Variants in SNAP91 observed in about 807,000 individuals in gnomAD.
SNAP91 encodes the protein synaptosome associated protein 91, also known as clathrin coat assembly protein AP180.
Under a neutral mutation model 100.3 loss-of-function variants are expected in SNAP91, and 27 were observed. The ratio of observed to expected loss-of-function variants is 0.27; its 90% confidence interval spans 0.20 to 0.37. The LOEUF is 0.37. SNAP91 is among the 10% of genes least tolerant of loss of function. The pLI is 1.00. For synonymous variants in SNAP91, 404 were observed against 398.6 expected (o/e 1.01, Z -0.16); for missense variants, 986 against 1,123.7 (o/e 0.88, Z 1.75).
At chr6:83,621,820 G>T (rs2096740806) in intron 9 of SNAP91, among the ~76,000 whole-genome samples, 1 of 151,932 alleles carries the variant, frequency 6.6e-6, no homozygotes, top group African/African-American at 2.4e-5. Flanking sequence ...CCATAGATGT[G>T]AAATAAAGAT....
chr6:83,617,645 A>G (rs1233923485), intron 9 of SNAP91, among the ~76,000 whole-genome samples: 6 of 151,074 alleles, frequency 4.0e-5, no homozygotes, highest in East Asian at 1.9e-4. Context: ...AGCAAATATA[A>G]TATCAGAGCA....
Position 83,667,421 on chromosome 6 carries a change from A to T in SNAP91, c.131-1840T>A, listed in dbSNP as rs115720266. Among the ~76,000 whole-genome samples the T allele has an allele frequency of 5.9e-3, 896 of 152,216 alleles. 2 individuals are homozygous for T. The highest frequency in any genetic ancestry group is 0.02 in the African/African-American group (835 of 41,580). On this transcript the variant is annotated intron_variant, in intron 2 of 29. Transcript: ENST00000369694. ...ATGCAAACAGGTTGATTACAGAAACAGATATAAATGCTGGTCTTTTATTGA... is the reference window on the plus strand; with the variant it reads ...ATGCAAACAGGTTGATTACAGAAACTGATATAAATGCTGGTCTTTTATTGA...
At chr6:83,655,177 G>C (rs1395864429) in intron 7 of SNAP91, among the ~76,000 whole-genome samples, 1 of 152,166 alleles carries the variant, frequency 6.6e-6, no homozygotes, top group Non-Finnish European at 1.5e-5. Flanking sequence ...GGGCCCCAAA[G>C]ACTGTGCATT....
At chr6:83,650,211 C>A (rs1585604731) in intron 7 of SNAP91, among the ~76,000 whole-genome samples, 1 of 152,262 alleles carries the variant, frequency 6.6e-6, no homozygotes, top group East Asian at 1.9e-4. Context: ...CTGTAGTTTG[C>A]ATTTTCAATT....
intron 7 of SNAP91, among the ~76,000 whole-genome samples, chr6:83,650,821 T>C (rs535347093): frequency 1.6e-4 from 24 of 152,342 alleles, no homozygotes; most frequent in Non-Finnish European, 2.4e-4. Context: ...CTGGAAGAGA[T>C]TGTAAAGAAT....
chr6:83,688,095 T>G (rs1292863837), intron 2 of SNAP91, among the ~76,000 whole-genome samples: 1 of 152,174 alleles, frequency 6.6e-6, no homozygotes, highest in African/African-American at 2.4e-5. Context: ...GTCTCTTATC[T>G]CTCCCCCTTA....
chr6:83,652,198 G>A (rs1033791697), intron 7 of SNAP91, among the ~76,000 whole-genome samples: 38 of 152,238 alleles, frequency 2.5e-4, no homozygotes, highest in African/African-American at 8.9e-4. Context: ...TGAGGTTAAA[G>A]TGATTTTTGG....
chr6:83,555,311 A>G (rs1466872684), intron 29 of SNAP91, among the ~76,000 whole-genome samples: 1 of 152,216 alleles, frequency 6.6e-6, no homozygotes, highest in Non-Finnish European at 1.5e-5. Context: ...GCAGGTGCAT[A>G]CTGAAAACAA....
chr6:83,668,311 C>T (rs2098723292), intron 2 of SNAP91, among the ~76,000 whole-genome samples: 1 of 152,112 alleles, frequency 6.6e-6, no homozygotes, highest in South Asian at 2.1e-4. Context: ...ACCATTTGAC[C>T]CAGCCATCCC....
chr6:83,650,194 G>GT (rs2098136111), intron 7 of SNAP91, among the ~76,000 whole-genome samples: 1 of 152,110 alleles, frequency 6.6e-6, no homozygotes, highest in Non-Finnish European at 1.5e-5. Flanking sequence ...TTCTAATAAT[G>GT]TACTTTCTGT....
chr6:83,582,163 T>C, intron 23 of SNAP91, 59 bp downstream of exon 23: 2 of 1,580,408 alleles, frequency 1.3e-6, no homozygotes, highest in Non-Finnish European at 1.7e-6. Flanking sequence ...TAACCTTAGG[T>C]AGTACTTTTT....
intron 2 of SNAP91, among the ~76,000 whole-genome samples, chr6:83,694,872 A>G (rs533318459): frequency 3.3e-5 from 5 of 152,288 alleles, no homozygotes; most frequent in East Asian, 1.9e-4. Flanking sequence ...CACAACAGTC[A>G]TGACTAATAC....
At chr6:83,555,419 G>A (rs1327739456) in intron 29 of SNAP91, among the ~76,000 whole-genome samples, 1 of 152,156 alleles carries the variant, frequency 6.6e-6, no homozygotes, top group Non-Finnish European at 1.5e-5. Context: ...TCTTTTAGCT[G>A]TGAAATGGAG....
intron 6 of SNAP91, among the ~76,000 whole-genome samples, chr6:83,657,183 T>C (rs896229283): frequency 6.6e-6 from 1 of 152,204 alleles, no homozygotes; most frequent in Non-Finnish European, 1.5e-5. Context: ...ACTGTTATGT[T>C]ACATTTCTTC....
At chr6:83,706,380 C>T (rs1269455798) in intron 2 of SNAP91, among the ~76,000 whole-genome samples, 2 of 152,242 alleles carry the variant, frequency 1.3e-5, no homozygotes, top group Non-Finnish European at 2.9e-5. Context: ...TTTACAATTT[C>T]TACTTCTCTT....
In SNAP91 at chr6:83,605,019, G is replaced by A. The variant is rs1202258079; in HGVS notation, c.1141+666C>T. On this transcript the variant is annotated intron_variant, in intron 14 of 29. Transcript: ENST00000369694. ...TAAAACCAACTCTTTGCAGCTTTGA[G>A]CATTATGAAGCAATTACTTTAATTT... 3.3e-5 allele frequency among the ~76,000 whole-genome samples: 5 copies of A among 152,122 alleles called. No homozygotes were observed. The East Asian group carries it at 9.7e-4, about 29-fold the overall frequency.
chr6:83,585,541 A>AAC (rs1562218625), intron 22 of SNAP91, among the ~76,000 whole-genome samples: 3 of 147,846 alleles, frequency 2.0e-5, no homozygotes, highest in East Asian at 2.0e-4. Context: ...AAAAAAAAAA[A>AAC]AAAAAGAAAG....
At chr6:83,689,420 T>C (rs1452003353) in intron 2 of SNAP91, among the ~76,000 whole-genome samples, 3 of 152,134 alleles carry the variant, frequency 2.0e-5, no homozygotes, top group African/African-American at 7.2e-5. Context: ...CCTAGGAGAA[T>C]ATACTATGGT....
intron 2 of SNAP91, among the ~76,000 whole-genome samples, chr6:83,685,793 T>G (rs1488177640): frequency 6.6e-6 from 1 of 152,220 alleles, no homozygotes; most frequent in Non-Finnish European, 1.5e-5. Context: ...ATCATTCTTT[T>G]GCTCCAGATA....
Sources: gnomAD v4.1 joint callset for allele counts (sites outside exome capture counted in the v4.1 genomes callset) on GRCh38, gnomAD v4.1.1 for gene constraint, MANE v1.5 for transcripts, NCBI Gene and HGNC (gene_info 2026-07-23, HGNC 2026-07-21) for gene names.